The following COG5 variants were observed in gnomAD, a reference collection of about 807,000 sequenced individuals.
COG5 encodes the protein conserved oligomeric Golgi complex subunit 5.
A neutral mutation model predicts 110.4 loss-of-function variants in COG5; 86 were observed. That is an observed-to-expected ratio of 0.78 (90% CI 0.65 to 0.93). The LOEUF (loss-of-function observed/expected upper bound fraction) is 0.93, where lower values mean the gene tolerates loss of function less well. Among genes scored for constraint, COG5 ranks in the 40% least tolerant of loss-of-function variants. The pLI is 0.00. For missense variants in COG5, 1,077 were observed against 987.0 expected (o/e 1.09, Z -1.22); for synonymous variants, 360 against 334.6 (o/e 1.08, Z -0.83).
At chr7:107,563,765 C>T (rs752416510) in intron 1 of COG5, 38 bp downstream of exon 1, 2 of 1,610,064 alleles carry the variant, frequency 1.2e-6, no homozygotes, top group Non-Finnish European at 8.5e-7. Flanking sequence ...CAGCGCAGAC[C>T]CCCAACCCCA....
intron 6 of COG5, among the ~76,000 whole-genome samples, chr7:107,479,794 G>T (rs887393428): frequency 2.0e-5 from 3 of 152,010 alleles, no homozygotes; most frequent in African/African-American, 7.2e-5. Context: ...TGAAAATTTC[G>T]AATTGACGTT....
intron 3 of COG5, among the ~76,000 whole-genome samples, chr7:107,553,189 A>C (rs537001543): frequency 6.6e-6 from 1 of 152,294 alleles, no homozygotes; most frequent in East Asian, 1.9e-4. Flanking sequence ...CCTCAGCATT[A>C]TGTAATATTC....
intron 6 of COG5, among the ~76,000 whole-genome samples, chr7:107,522,059 G>T (rs1219564652): frequency 1.3e-5 from 2 of 152,168 alleles, no homozygotes; most frequent in Non-Finnish European, 2.9e-5. Context: ...TCGTAAATGG[G>T]AGTTGAACAA....
At chr7:107,236,929 A>G (rs1429288583) in intron 17 of COG5, among the ~76,000 whole-genome samples, 1 of 152,212 alleles carries the variant, frequency 6.6e-6, no homozygotes, top group African/African-American at 2.4e-5. Flanking sequence ...CCATTTACCT[A>G]AAGATTATTA....
chr7:107,425,543 A>G (rs1198063556), intron 6 of COG5, among the ~76,000 whole-genome samples: 1 of 151,866 alleles, frequency 6.6e-6, no homozygotes, highest in African/African-American at 2.4e-5. Flanking sequence ...TATAGGTATT[A>G]TGAGAGTCAC....
chr7:107,309,632 C>A (rs1808040487), intron 11 of COG5, among the ~76,000 whole-genome samples: 1 of 152,034 alleles, frequency 6.6e-6, no homozygotes, highest in South Asian at 2.1e-4. Context: ...ATACAAGAAA[C>A]AAATTACTGA....
At chr7:107,394,552 T>C (rs1388288374) in intron 7 of COG5, among the ~76,000 whole-genome samples, 1 of 152,210 alleles carries the variant, frequency 6.6e-6, no homozygotes, top group Non-Finnish European at 1.5e-5. Flanking sequence ...CTGGCATAGC[T>C]AATGGAACAG....
At chr7:107,537,003 C>T (rs1801631564) in intron 5 of COG5, among the ~76,000 whole-genome samples, 3 of 152,118 alleles carry the variant, frequency 2.0e-5, no homozygotes, top group Admixed American at 1.3e-4. Flanking sequence ...CTTTGACAAA[C>T]CAGACAAAAA....
intron 15 of COG5, 139 bp downstream of exon 15, chr7:107,258,134 A>C (rs934279725): frequency 3.1e-6 from 2 of 635,114 alleles, no homozygotes; most frequent in Non-Finnish European, 5.5e-6. Flanking sequence ...TAAAAGAGTT[A>C]ACTCCTTAGT....
chr7:107,288,054 A>G (rs1805793368), intron 12 of COG5, among the ~76,000 whole-genome samples: 1 of 152,122 alleles, frequency 6.6e-6, no homozygotes, highest in South Asian at 2.1e-4. Flanking sequence ...GCTGGGTCAT[A>G]TGGTAACTAT....
chr7:107,276,747 T>C (rs987034208), intron 14 of COG5, among the ~76,000 whole-genome samples: 14 of 152,188 alleles, frequency 9.2e-5, no homozygotes, highest in African/African-American at 3.4e-4. Flanking sequence ...ATCCCCAATA[T>C]ATCACCATTA....
chr7:107,457,091 A>C (rs1299772004), intron 6 of COG5, among the ~76,000 whole-genome samples: 1 of 152,052 alleles, frequency 6.6e-6, no homozygotes, highest in African/African-American at 2.4e-5. Context: ...AAATACTAGA[A>C]TGCAAAAAAG....
At chr7:107,549,904 ATT>A (rs986550909) in intron 3 of COG5, among the ~76,000 whole-genome samples, 2 of 152,132 alleles carry the variant, frequency 1.3e-5, no homozygotes, top group Non-Finnish European at 2.9e-5. Flanking sequence ...TAAAATACTG[ATT>A]TTATACACAC....
chr7:107,250,206 G>C (rs67752575), intron 16 of COG5, among the ~76,000 whole-genome samples: 14,328 of 152,096 alleles, frequency 0.094, 1,034 homozygotes, highest in African/African-American at 0.21. Flanking sequence ...GTGAGAGAGG[G>C]AGCTTGAAAA....
chr7:107,321,564 G>A (rs1223405568), intron 11 of COG5, among the ~76,000 whole-genome samples: 1 of 152,174 alleles, frequency 6.6e-6, no homozygotes, highest in East Asian at 1.9e-4. Context: ...TTGTACTGAT[G>A]TAAACATAGA....
intron 5 of COG5, among the ~76,000 whole-genome samples, chr7:107,541,867 T>C (rs1057048073): frequency 2.6e-5 from 4 of 151,170 alleles, no homozygotes; most frequent in Non-Finnish European, 4.4e-5. Flanking sequence ...GGAGGCGCGG[T>C]TGCAGTGAGC....
At chr7:107,551,727 C>T (rs1802902367) in intron 3 of COG5, among the ~76,000 whole-genome samples, 1 of 152,180 alleles carries the variant, frequency 6.6e-6, no homozygotes, top group African/African-American at 2.4e-5. Context: ...AAGCGATCCT[C>T]CTACATCAGC....
intron 10 of COG5, among the ~76,000 whole-genome samples, chr7:107,343,768 A>G (rs962467717): frequency 1.3e-4 from 20 of 152,294 alleles, no homozygotes; most frequent in Admixed American, 3.9e-4. Flanking sequence ...AATGGATGTT[A>G]TGTTAGCATG....
chr7:107,515,446 T>C (rs763982117), intron 6 of COG5, among the ~76,000 whole-genome samples: 4 of 152,132 alleles, frequency 2.6e-5, no homozygotes, highest in Non-Finnish European at 5.9e-5. Context: ...TTTTCACAAG[T>C]GGGATTAGTA....
Sources: gnomAD v4.1 joint callset for allele counts (sites outside exome capture counted in the v4.1 genomes callset) on GRCh38, gnomAD v4.1.1 for gene constraint, MANE v1.5 for transcripts, NCBI Gene and HGNC (gene_info 2026-07-23, HGNC 2026-07-21) for gene names.